The following ERC2 variants were observed in gnomAD, a reference collection of about 807,000 sequenced individuals.
ERC2 encodes ELKS/RAB6-interacting/CAST family member 2.
A neutral mutation model predicts 114.8 loss-of-function variants in ERC2; 42 were observed. The ratio of observed to expected loss-of-function variants is 0.37; its 90% CI spans 0.29 to 0.47. The LOEUF is 0.47. ERC2 is among the 20% of genes least tolerant of loss of function. ERC2 has a pLI of 0.99. For synonymous variants in ERC2, 454 were observed against 425.5 expected (o/e 1.07, Z -0.82); for missense variants, 939 against 1,150.7 (o/e 0.82, Z 2.66).
chr3:56,007,946 T>C (rs1329886673), intron 9 of ERC2, among the ~76,000 whole-genome samples: 2 of 152,166 alleles, frequency 1.3e-5, no homozygotes, highest in Non-Finnish European at 2.9e-5. Context: ...GTTACCTAAA[T>C]TGTTCCAGTC....
chr3:56,393,478 C>A (rs138124243), intron 2 of ERC2, among the ~76,000 whole-genome samples: 36 of 152,216 alleles, frequency 2.4e-4, no homozygotes, highest in African/African-American at 7.9e-4. Flanking sequence ...TAGTTATGGC[C>A]CCATTACATG....
chr3:55,665,670 G>A (rs948949266), intron 17 of ERC2, among the ~76,000 whole-genome samples: 4 of 152,154 alleles, frequency 2.6e-5, no homozygotes, highest in Admixed American at 1.3e-4. Context: ...CCAGAAGGAA[G>A]TGCGCCTGCC....
At chr3:55,968,349 A>G (rs1210685329) in intron 12 of ERC2, among the ~76,000 whole-genome samples, 2 of 152,194 alleles carry the variant, frequency 1.3e-5, no homozygotes, top group Non-Finnish European at 2.9e-5. Context: ...CAGTTTTCTC[A>G]CCGAACAAAT....
intron 2 of ERC2, among the ~76,000 whole-genome samples, chr3:56,409,500 CA>C (rs1300521242): frequency 7.3e-6 from 1 of 136,964 alleles, no homozygotes; most frequent in East Asian, 2.3e-4. Flanking sequence ...CCAATTATAC[CA>C]AACTAAAGCT....
chr3:56,162,695 T>C (rs2149994039), intron 4 of ERC2, among the ~76,000 whole-genome samples: 1 of 152,258 alleles, frequency 6.6e-6, no homozygotes, highest in East Asian at 1.9e-4. Context: ...TCTGAGGATC[T>C]TCTGTAATTC....
intron 7 of ERC2, among the ~76,000 whole-genome samples, chr3:56,036,996 G>A (rs1469943914): frequency 1.3e-5 from 2 of 152,066 alleles, no homozygotes; most frequent in Non-Finnish European, 2.9e-5. Context: ...AAGCAACAAC[G>A]ACAACGACGT....
chr3:56,235,111 C>T (rs896330755), intron 3 of ERC2, among the ~76,000 whole-genome samples: 8 of 152,264 alleles, frequency 5.3e-5, no homozygotes, highest in African/African-American at 1.9e-4. Flanking sequence ...CTTCCCTGTC[C>T]AGAGTCCTTT....
At chr3:56,181,723 C>A (rs563960727) in intron 3 of ERC2, among the ~76,000 whole-genome samples, 1 of 152,266 alleles carries the variant, frequency 6.6e-6, no homozygotes, top group South Asian at 2.1e-4. Flanking sequence ...ACATGTTTGA[C>A]TTCTGAGGCC....
chr3:55,666,229 C>T (rs1343738478), intron 17 of ERC2, among the ~76,000 whole-genome samples: 5 of 152,242 alleles, frequency 3.3e-5, no homozygotes, highest in African/African-American at 9.6e-5. Context: ...TCAATCACTG[C>T]GCAGGAGACC....
At chr3:55,554,833 G>T (rs1293419146) in intron 17 of ERC2, among the ~76,000 whole-genome samples, 1 of 152,008 alleles carries the variant, frequency 6.6e-6, no homozygotes, top group African/African-American at 2.4e-5. Flanking sequence ...GGTTCTCAAG[G>T]CTGGCAAATA....
intron 3 of ERC2, among the ~76,000 whole-genome samples, chr3:56,221,308 T>C (rs1372531273): frequency 6.6e-6 from 1 of 152,042 alleles, no homozygotes; most frequent in Non-Finnish European, 1.5e-5. Flanking sequence ...AAACTGGGAA[T>C]TGAATTCAAA....
chr3:56,010,635 T>C lies in ERC2; in HGVS notation c.1780-46A>G, dbSNP rs1330476181. Reference sequence around the variant, plus strand: ...AAGAAGAGGTGAGAACCCATCAGTGTATATGCCAAAGCATACTGTAAAAGA... The same window carrying C: ...AAGAAGAGGTGAGAACCCATCAGTGCATATGCCAAAGCATACTGTAAAAGA... On this transcript the variant is annotated intron_variant, in intron 8 of 17. Coordinates refer to ENST00000288221, the MANE Select transcript of ERC2 (RefSeq NM_015576.3). 5.0e-6 allele frequency: 8 copies of C among 1,585,470 alleles called. No homozygotes were observed. The African/African-American group carries it at 1.1e-4, about 21-fold the overall frequency.
At chr3:56,270,211 T>G (rs1488890680) in intron 3 of ERC2, among the ~76,000 whole-genome samples, 1 of 152,106 alleles carries the variant, frequency 6.6e-6, no homozygotes, top group Admixed American at 6.5e-5. Context: ...ATTCTAATTT[T>G]TACAAAAAAA....
chr3:55,730,626 T>C (rs2065194605), intron 15 of ERC2, among the ~76,000 whole-genome samples: 1 of 152,152 alleles, frequency 6.6e-6, no homozygotes, highest in South Asian at 2.1e-4. Context: ...ATCCCAGCAC[T>C]TTGGGAGGCC....
chr3:55,630,233 G>A (rs570340235), intron 17 of ERC2, among the ~76,000 whole-genome samples: 366 of 152,282 alleles, frequency 2.4e-3, no homozygotes, highest in Non-Finnish European at 4.2e-3. Context: ...GCGATGGCGC[G>A]ATCTTGGCTC....
chr3:56,066,461 G>A (rs2076485907), intron 7 of ERC2, among the ~76,000 whole-genome samples: 1 of 152,148 alleles, frequency 6.6e-6, no homozygotes, highest in African/African-American at 2.4e-5. Flanking sequence ...TTAGACCTTT[G>A]TAAAAGGGGT....
intron 10 of ERC2, among the ~76,000 whole-genome samples, chr3:56,005,686 T>C (rs2072428155): frequency 6.6e-6 from 1 of 152,062 alleles, no homozygotes; most frequent in Admixed American, 6.6e-5. Flanking sequence ...TGAGGCCGTC[T>C]TTCTTCTCGA....
chr3:56,143,554 A>G (rs1447670803), intron 5 of ERC2, among the ~76,000 whole-genome samples: 5 of 152,142 alleles, frequency 3.3e-5, no homozygotes, highest in Non-Finnish European at 7.3e-5. Context: ...CATGTAAGAC[A>G]TGACTTTGTT....
Position 55,509,441 on chromosome 3 carries a change from G to T in ERC2, c.*1875C>A, listed in dbSNP as rs778766993. ...GTGTCAAAATGTGCTAAATAAGCTT[G>T]CAAAGAACTCTGCTTACTTCTCTAA... On this transcript the variant is annotated 3_prime_UTR_variant, in exon 18 of 18. Transcript: ENST00000288221. The T allele has an allele frequency of 4.6e-5, 7 of 152,532 alleles. No individual in the cohort carries two copies. The highest frequency in any genetic ancestry group is 7.3e-5 in the Non-Finnish European group (5 of 68,030). 9.4% of individuals were successfully genotyped at this position (152,532 alleles called of 1,614,324 possible).
Sources: gnomAD v4.1 joint callset for allele counts (sites outside exome capture counted in the v4.1 genomes callset) on GRCh38, gnomAD v4.1.1 for gene constraint, MANE v1.5 for transcripts, NCBI Gene and HGNC (gene_info 2026-07-23, HGNC 2026-07-21) for gene names.